AFF3: variants seen among roughly 807,000 people sequenced by gnomAD.
AFF3 encodes the protein ALF transcription elongation factor 3, also known as AF4/FMR2 family member 3.
AFF3 carries 32 observed loss-of-function variants against 129.7 expected under a neutral mutation model. The observed-to-expected ratio is 0.25, with a 90% CI of 0.19 to 0.33. The LOEUF is 0.33. Ranked by LOEUF, AFF3 falls within the 10% of genes least tolerant of loss-of-function variation. AFF3 has a pLI of 1.00. For synonymous variants in AFF3, 644 were observed against 635.4 expected (o/e 1.01, Z -0.20); for missense variants, 1,373 against 1,592.0 (o/e 0.86, Z 2.34).
intron 7 of AFF3, among the ~76,000 whole-genome samples, chr2:99,976,042 C>T (rs1425878696): frequency 6.6e-6 from 1 of 152,010 alleles, no homozygotes; most frequent in African/African-American, 2.4e-5. Flanking sequence ...TTCCTAGTGC[C>T]TGCCCAGGTT....
intron 7 of AFF3, among the ~76,000 whole-genome samples, chr2:99,934,377 T>G (rs965556072): frequency 1.1e-4 from 17 of 152,130 alleles, no homozygotes; most frequent in Admixed American, 5.2e-4. Flanking sequence ...CTTAAAAAGT[T>G]TCCAAGCAGA....
chr2:100,078,275 G>A (rs1276375377), intron 4 of AFF3, among the ~76,000 whole-genome samples: 2 of 152,202 alleles, frequency 1.3e-5, no homozygotes, highest in African/African-American at 4.8e-5. Flanking sequence ...AGAAGATACT[G>A]TAAGCGAATA....
At chr2:99,947,105 C>A (rs1176130783) in intron 7 of AFF3, among the ~76,000 whole-genome samples, 1 of 152,062 alleles carries the variant, frequency 6.6e-6, no homozygotes, top group Non-Finnish European at 1.5e-5. Context: ...AATATAAAGG[C>A]GCATAACACA....
At position 99,744,160 on chromosome 2, in the gene AFF3, C is replaced by A. The variant is rs764936333; in HGVS notation, c.1003-20G>T. 12 of 1,595,184 alleles carry A rather than the reference C, an allele frequency of 7.5e-6. No individual in the cohort carries two copies. Among genetic ancestry groups the A allele is most frequent in the Non-Finnish European group, 1.0e-5 (12 of 1,169,174 alleles). ...AGAGTCCTGAAAGAACAAGAAATAT[C>A]AATTAATTTTCTTATTTTGACTTTC... On this transcript the variant is annotated intron_variant, in intron 9 of 24. Coordinates refer to ENST00000672756, the MANE Select transcript of AFF3 (RefSeq NM_001386135.1).
At chr2:99,562,453 G>T (rs116410277) in intron 20 of AFF3, among the ~76,000 whole-genome samples, 2,201 of 152,094 alleles carry the variant, frequency 0.014, 31 homozygotes, top group Non-Finnish European at 0.023. Context: ...CCATTTTTGG[G>T]GTTTATATTA....
intron 8 of AFF3, among the ~76,000 whole-genome samples, chr2:99,762,125 CTTT>C (rs113479774): frequency 7.2e-6 from 1 of 138,158 alleles, no homozygotes; most frequent in Non-Finnish European, 1.6e-5. Context: ...ATCAATGCCA[CTTT>C]TTTTTTTTTT....
chr2:99,646,181 C>T lies in AFF3; in HGVS notation c.1184+3445G>A, dbSNP rs529685735. ...TGTGTATCTTGGAACAAAATAGCTC[C>T]GGCCTTGTCTAAATGTCCTTGTGTT... On this transcript the variant is annotated intron_variant, in intron 13 of 24. Coordinates refer to ENST00000672756, the MANE Select transcript of AFF3 (RefSeq NM_001386135.1). 1.4e-4 allele frequency among the ~76,000 whole-genome samples: 21 copies of T among 152,276 alleles called. 1 individual carries two copies. In the East Asian group the frequency reaches 2.9e-3, roughly 21 times the overall value.
chr2:99,576,884 C>T (rs2104764629), intron 18 of AFF3, among the ~76,000 whole-genome samples: 1 of 152,262 alleles, frequency 6.6e-6, no homozygotes, highest in South Asian at 2.1e-4. Flanking sequence ...AGTTGGCCAC[C>T]TGACTGTACT....
intron 7 of AFF3, among the ~76,000 whole-genome samples, chr2:99,929,408 A>C (rs1428905927): frequency 3.9e-5 from 6 of 152,230 alleles, no homozygotes; most frequent in Non-Finnish European, 8.8e-5. Context: ...CTTAATCAAA[A>C]TTCATAAAAT....
At position 100,079,466 on chromosome 2, in the gene AFF3, T is replaced by C. The variant is rs1688867941; in HGVS notation, c.53+24936A>G. ...AGGTTACAAACTCCTTGAGGGCAGATGCTGTCTAAACATACTTCTCTCTCT... is the reference window on the plus strand; with the variant it reads ...AGGTTACAAACTCCTTGAGGGCAGACGCTGTCTAAACATACTTCTCTCTCT... On this transcript the variant is annotated intron_variant, in intron 4 of 24. Transcript: ENST00000672756. Among the ~76,000 whole-genome samples, 3 of 152,232 alleles carry C rather than the reference T, an allele frequency of 2.0e-5. No homozygotes were observed. In the South Asian group the frequency reaches 6.2e-4, roughly 32 times the overall value.
chr2:99,634,675 C>T (rs62154525), intron 13 of AFF3, among the ~76,000 whole-genome samples: 17,932 of 151,828 alleles, frequency 0.12, 1,135 homozygotes, highest in East Asian at 0.16. Flanking sequence ...TAGGAAATAA[C>T]GTTGGCTTGG....
intron 11 of AFF3, among the ~76,000 whole-genome samples, chr2:99,695,017 G>T (rs1676056877): frequency 6.6e-6 from 1 of 151,826 alleles, no homozygotes; most frequent in African/African-American, 2.4e-5. Context: ...TTTTAATAAT[G>T]ATTTAATTAT....
At chr2:100,126,243 G>A (rs549758469) in intron 2 of AFF3, among the ~76,000 whole-genome samples, 58 of 152,302 alleles carry the variant, frequency 3.8e-4, no homozygotes, top group African/African-American at 1.3e-3. Context: ...CGGAGGCAGA[G>A]AAACACGATC....
intron 1 of AFF3, among the ~76,000 whole-genome samples, chr2:100,132,758 A>G (rs892931499): frequency 5.9e-5 from 9 of 152,142 alleles, no homozygotes; most frequent in Non-Finnish European, 1.0e-4. Flanking sequence ...AAAATGTTAA[A>G]TATCTCATTT....
intron 22 of AFF3, among the ~76,000 whole-genome samples, chr2:99,558,226 A>C (rs981571246): frequency 1.3e-5 from 2 of 152,248 alleles, no homozygotes; most frequent in African/African-American, 4.8e-5. Flanking sequence ...TAAGGAAAAG[A>C]AGCTCTAAGT....
At chr2:99,971,683 T>C (rs997580207) in intron 7 of AFF3, among the ~76,000 whole-genome samples, 14 of 152,202 alleles carry the variant, frequency 9.2e-5, no homozygotes, top group African/African-American at 3.4e-4. Flanking sequence ...CAGGGTAATA[T>C]GATCATAAAA....
intron 8 of AFF3, among the ~76,000 whole-genome samples, chr2:99,781,119 C>G (rs1222079989): frequency 1.3e-5 from 2 of 152,166 alleles, no homozygotes; most frequent in Non-Finnish European, 2.9e-5. Context: ...ATGATTTTCT[C>G]CAAACAAACC....
chr2:100,106,018 G>A (rs1479000559), intron 2 of AFF3: 2 of 1,321,330 alleles, frequency 1.5e-6, no homozygotes, highest in Non-Finnish European at 2.0e-6. Flanking sequence ...AAGCCGAAGA[G>A]TCATCCTCTC....
At chr2:99,696,205 C>T (rs904644658) in intron 11 of AFF3, among the ~76,000 whole-genome samples, 1 of 151,830 alleles carries the variant, frequency 6.6e-6, no homozygotes, top group Non-Finnish European at 1.5e-5. Context: ...GACATAATAT[C>T]CCATAAAATC....
Sources: allele counts gnomAD v4.1 joint callset (sites outside exome capture counted in the v4.1 genomes callset), GRCh38; gene constraint gnomAD v4.1.1; transcripts MANE v1.5; gene names NCBI Gene and HGNC (gene_info 2026-07-23, HGNC 2026-07-21).